Variants in MAML3 observed in about 807,000 individuals in gnomAD.
MAML3 encodes mastermind-like protein 3.
A neutral mutation model predicts 101.9 loss-of-function variants in MAML3; 27 were observed. The ratio of observed to expected loss-of-function variants is 0.27; its 90% CI spans 0.20 to 0.37. The LOEUF (loss-of-function observed/expected upper bound fraction) is 0.37, where lower values mean the gene tolerates loss of function less well. Among genes scored for constraint, MAML3 ranks in the 10% least tolerant of loss-of-function variants. MAML3 has a pLI of 1.00. For synonymous variants in MAML3, 501 were observed against 555.9 expected (o/e 0.90, Z 1.39); for missense variants, 1,316 against 1,444.9 (o/e 0.91, Z 1.45).
intron 1 of MAML3, among the ~76,000 whole-genome samples, chr4:140,082,391 G>T (rs1351529926): frequency 6.6e-6 from 1 of 152,164 alleles, no homozygotes; most frequent in Non-Finnish European, 1.5e-5. Flanking sequence ...GGCCAAAGCA[G>T]CGACTGCCTC....
intron 1 of MAML3, among the ~76,000 whole-genome samples, chr4:139,932,595 T>A (rs1560840680): frequency 6.6e-6 from 1 of 152,218 alleles, no homozygotes; most frequent in Non-Finnish European, 1.5e-5. Context: ...TCTATACTAA[T>A]AGACACTATC....
chr4:140,106,423 C>T (rs528425349), intron 1 of MAML3, among the ~76,000 whole-genome samples: 27 of 152,328 alleles, frequency 1.8e-4, no homozygotes, highest in Middle Eastern at 3.4e-3. Flanking sequence ...TGCTCCTAGT[C>T]TTAGAAGCAC....
chr4:139,758,802 G>A (rs1279515192), intron 2 of MAML3, among the ~76,000 whole-genome samples: 3 of 152,104 alleles, frequency 2.0e-5, no homozygotes, highest in Non-Finnish European at 4.4e-5. Flanking sequence ...GGCTTTTCCT[G>A]GACCAAACTA....
intron 2 of MAML3, among the ~76,000 whole-genome samples, chr4:139,875,525 C>G (rs952862639): frequency 2.0e-5 from 3 of 152,092 alleles, no homozygotes; most frequent in African/African-American, 7.2e-5. Flanking sequence ...ATTAATGAGG[C>G]TCATCAAAAC....
At position 140,153,484 on chromosome 4, in the gene MAML3, G is replaced by GA. The variant is rs1729216359; in HGVS notation, c.-158_-157insT. Reference sequence around the variant, plus strand: ...CGATCCCGACGGGGCGAAAAAAACGGGGGGGGAGATTTTGGGGTGGTTTTT... The same window carrying GA: ...CGATCCCGACGGGGCGAAAAAAACGGAGGGGGGAGATTTTGGGGTGGTTTTT... On this transcript the variant is annotated 5_prime_UTR_variant, in exon 1 of 5. Transcript: ENST00000509479. 2.5e-6 allele frequency: 2 copies of GA among 812,582 alleles called. No individual in the cohort carries two copies. The highest frequency in any genetic ancestry group is 3.6e-5 in the African/African-American group (2 of 55,592). 50.3% of individuals were successfully genotyped at this position (812,582 alleles called of 1,614,324 possible). A position where few individuals can be genotyped will look rare whatever the true frequency, so the allele number is the denominator to read the frequency against.
chr4:139,849,643 A>G (rs2111153892), intron 2 of MAML3, among the ~76,000 whole-genome samples: 1 of 152,384 alleles, frequency 6.6e-6, no homozygotes, highest in Non-Finnish European at 1.5e-5. Context: ...TCTGAAAATT[A>G]CTTGCACTGT....
Position 139,719,804 on chromosome 4 carries a change from A to G in MAML3, c.2936T>C (p.Leu979Ser). The change falls in exon 5 of 5, where the codon TTG becomes TCG. Residue 979 changes from leucine (L) to serine (S), a missense_variant. Transcript: ENST00000509479. Reference sequence around the variant, plus strand: ...GCTGGCGCCATTGTTGAATGGTCCCAATTCTCCACTAGTCCTCCCAGGCAT... The same window carrying G: ...GCTGGCGCCATTGTTGAATGGTCCCGATTCTCCACTAGTCCTCCCAGGCAT... Reference protein sequence around the residue: ...QGMPGRTSGELGPFNNGASYP... With the variant: ...QGMPGRTSGESGPFNNGASYP... 2.5e-6 allele frequency: 4 copies of G among 1,613,580 alleles called. No individual in the cohort carries two copies. The highest frequency in any genetic ancestry group is 3.4e-6 in the Non-Finnish European group (4 of 1,179,892).
chr4:139,814,861 G>A (rs1730867448), intron 2 of MAML3, among the ~76,000 whole-genome samples: 1 of 152,158 alleles, frequency 6.6e-6, no homozygotes, highest in African/African-American at 2.4e-5. Context: ...TAGGGCTGGA[G>A]GAACCTGGGC....
At chr4:140,093,660 T>C (rs1479382352) in intron 1 of MAML3, among the ~76,000 whole-genome samples, 1 of 151,944 alleles carries the variant, frequency 6.6e-6, no homozygotes, top group Non-Finnish European at 1.5e-5. Flanking sequence ...GATCTCCTGA[T>C]CTCGTGATCC....
chr4:139,879,536 A>G (rs1189516119), intron 2 of MAML3, among the ~76,000 whole-genome samples: 2 of 148,542 alleles, frequency 1.3e-5, no homozygotes, highest in African/African-American at 5.0e-5. Flanking sequence ...AAAAAAAAAA[A>G]AAAAGAAAAG....
intron 4 of MAML3, among the ~76,000 whole-genome samples, chr4:139,724,731 C>A (rs2110969488): frequency 6.6e-6 from 1 of 151,388 alleles, no homozygotes; most frequent in Non-Finnish European, 1.5e-5. Flanking sequence ...ATTAGGAAGG[C>A]TCCTCAGGCT....
chr4:139,846,428 C>T (rs896098469), intron 2 of MAML3, among the ~76,000 whole-genome samples: 1 of 152,122 alleles, frequency 6.6e-6, no homozygotes, highest in Non-Finnish European at 1.5e-5. Flanking sequence ...CTTACTGCAG[C>T]CTCAACCTCC....
intron 1 of MAML3, among the ~76,000 whole-genome samples, chr4:140,015,904 G>A (rs1267543735): frequency 1.3e-5 from 2 of 152,176 alleles, no homozygotes; most frequent in East Asian, 1.9e-4. Context: ...AGTCAGCCCA[G>A]ATTGTGCCAC....
chr4:139,761,870 G>A (rs1729766969), intron 2 of MAML3, among the ~76,000 whole-genome samples: 1 of 152,186 alleles, frequency 6.6e-6, no homozygotes, highest in Non-Finnish European at 1.5e-5. Flanking sequence ...AGCTGTGTGG[G>A]AATTGGTTAA....
intron 1 of MAML3, among the ~76,000 whole-genome samples, chr4:139,965,076 A>T (rs1560851057): frequency 6.6e-6 from 1 of 152,210 alleles, no homozygotes; most frequent in Non-Finnish European, 1.5e-5. Context: ...AAATTACAAA[A>T]ATCTAGCAGG....
chr4:139,760,728 G>A (rs1439144509), intron 2 of MAML3, among the ~76,000 whole-genome samples: 1 of 152,172 alleles, frequency 6.6e-6, no homozygotes, highest in Non-Finnish European at 1.5e-5. Flanking sequence ...AAGCCATCTG[G>A]AATATTGTTC....
intron 1 of MAML3, among the ~76,000 whole-genome samples, chr4:139,930,977 TA>T (rs35551902): frequency 2.0e-5 from 3 of 151,622 alleles, no homozygotes; most frequent in African/African-American, 7.3e-5. Flanking sequence ...TTTCGTTCTC[TA>T]AAAAAAAGGG....
Position 139,719,012 on chromosome 4 carries a change from G to A in MAML3, c.*311C>T. ...GCTGAAGCAGCTCCTGCTGGGCCAG[G>A]CGATCACAGGGCATGCTGGGCAGAG... On this transcript the variant is annotated 3_prime_UTR_variant, in exon 5 of 5. Coordinates refer to ENST00000509479, the MANE Select transcript of MAML3 (RefSeq NM_018717.5). 3.3e-6 allele frequency: 1 copy of A among 302,362 alleles called. No individual in the cohort carries two copies. Among genetic ancestry groups the A allele is most frequent in the Non-Finnish European group, 6.1e-6 (1 of 163,234 alleles). 18.7% of individuals were successfully genotyped at this position (302,362 alleles called of 1,614,324 possible). A position where few individuals can be genotyped will look rare whatever the true frequency, so the allele number is the denominator to read the frequency against.
chr4:140,065,127 A>G (rs1045948086), intron 1 of MAML3, among the ~76,000 whole-genome samples: 26 of 152,348 alleles, frequency 1.7e-4, no homozygotes, highest in African/African-American at 6.0e-4. Context: ...TGTCTCTACC[A>G]TTAAATGCCA....
Sources: allele counts gnomAD v4.1 joint callset (sites outside exome capture counted in the v4.1 genomes callset), GRCh38; gene constraint gnomAD v4.1.1; transcripts MANE v1.5; gene names NCBI Gene and HGNC (gene_info 2026-07-23, HGNC 2026-07-21).